Variants in RAB6A observed in about 807,000 individuals in gnomAD.
The protein encoded by RAB6A is RAB6A, member RAS oncogene family.
Under a neutral mutation model 32.3 loss-of-function variants are expected in RAB6A, and 8 were observed. The observed-to-expected ratio is 0.25, with a 90% CI of 0.15 to 0.45. RAB6A has a LOEUF of 0.45. Among genes scored for constraint, RAB6A ranks in the 20% least tolerant of loss-of-function variants. RAB6A has a pLI of 1.00. For missense variants in RAB6A, 104 were observed against 249.4 expected, an observed-to-expected ratio of 0.42 and a Z score of 3.93; for synonymous variants, 73 against 82.1, an observed-to-expected ratio of 0.89 and a Z score of 0.60.
intron 1 of RAB6A, among the ~76,000 whole-genome samples, chr11:73,742,039 T>C (rs1438238234): frequency 6.6e-6 from 1 of 152,120 alleles, no homozygotes; most frequent in Admixed American, 6.6e-5. Context: ...TCCAGCACGT[T>C]GGGAGGCTGA....
chr11:73,682,570 G>GGA (rs1565343844), intron 6 of RAB6A, among the ~76,000 whole-genome samples: 1 of 152,176 alleles, frequency 6.6e-6, no homozygotes, highest in East Asian at 1.9e-4. Context: ...AGCTGAGGCA[G>GGA]GAGAACTGCT....
At chr11:73,739,284 AATATATATAT>A (rs1555066941) in intron 1 of RAB6A, among the ~76,000 whole-genome samples, 1 of 6,754 alleles carries the variant, frequency 1.5e-4, no homozygotes, top group Non-Finnish European at 3.4e-4. Context: ...AAAAAAAAAA[AATATATATAT>A]ATATATATAT....
At chr11:73,743,426 A>G (rs1946532381) in intron 1 of RAB6A, among the ~76,000 whole-genome samples, 2 of 152,080 alleles carry the variant, frequency 1.3e-5, no homozygotes, top group Non-Finnish European at 2.9e-5. Flanking sequence ...TCCGTAAGAT[A>G]ATGTTAAACT....
At chr11:73,682,987 T>C (rs1347897594) in intron 6 of RAB6A, among the ~76,000 whole-genome samples, 1 of 152,146 alleles carries the variant, frequency 6.6e-6, no homozygotes, top group African/African-American at 2.4e-5. Flanking sequence ...ATAAACCACC[T>C]TTCATCAAGA....
At position 73,720,902 on chromosome 11, in the gene RAB6A, G is replaced by A. The variant is rs1418577400; in HGVS notation, c.130-3C>T. ...AAAAAGTCAATGCCAATTGTTGCCT[G>A]TAAAACAAAACAAAGAAGTTAACAA... is the stretch of plus-strand genomic sequence containing the variant. On this transcript the variant is annotated splice_polypyrimidine_tract_variant and splice_region_variant and intron_variant, in intron 2 of 7. Coordinates refer to ENST00000336083, the MANE Select transcript of RAB6A (RefSeq NM_198896.2). 2 of 1,603,506 alleles carry A rather than the reference G, an allele frequency of 1.2e-6. No homozygotes were observed. The highest frequency in any genetic ancestry group is 1.7e-6 in the Non-Finnish European group (2 of 1,172,134).
intron 5 of RAB6A, among the ~76,000 whole-genome samples, chr11:73,710,276 T>C (rs1430503889): frequency 6.6e-6 from 1 of 151,442 alleles, no homozygotes; most frequent in Non-Finnish European, 1.5e-5. Context: ...CCCATGCTTA[T>C]ATTTTTTATA....
chr11:73,716,422 G>A, intron 4 of RAB6A, 60 bp from the exon 5 acceptor site: 1 of 1,255,672 alleles, frequency 8.0e-7, no homozygotes, highest in South Asian at 1.3e-5. Context: ...CCCAGGTGGT[G>A]GGCACCTCCC....
chr11:73,705,803 A>AGAGAGAGAGAGT (rs1945832018), intron 6 of RAB6A, among the ~76,000 whole-genome samples: 1 of 145,288 alleles, frequency 6.9e-6, no homozygotes, highest in Non-Finnish European at 1.5e-5. Context: ...AGAGAGAGAG[A>AGAGAGAGAGAGT]TTTTCAATAT....
At chr11:73,723,897 T>G (rs1946178327) in intron 2 of RAB6A, among the ~76,000 whole-genome samples, 2 of 152,320 alleles carry the variant, frequency 1.3e-5, no homozygotes, top group South Asian at 4.1e-4. Flanking sequence ...CTCTCACCAC[T>G]CCTACCCACA....
At chr11:73,728,789 ATAT>A (rs903955216) in intron 2 of RAB6A, among the ~76,000 whole-genome samples, 19 of 152,024 alleles carry the variant, frequency 1.2e-4, no homozygotes, top group African/African-American at 4.1e-4. Context: ...TCTGGGTTGA[ATAT>A]TAGAGTAACT....
intron 6 of RAB6A, among the ~76,000 whole-genome samples, chr11:73,704,611 G>A (rs1489222803): frequency 6.2e-4 from 93 of 150,160 alleles, no homozygotes; most frequent in Admixed American, 6.1e-3. Context: ...CTTCAACCCA[G>A]GAGGCAGAGG....
chr11:73,758,819 T>G (rs911307943), intron 1 of RAB6A, among the ~76,000 whole-genome samples: 8 of 152,164 alleles, frequency 5.3e-5, no homozygotes, highest in Non-Finnish European at 8.8e-5. Context: ...ATAAACTATA[T>G]TTTATGTTTG....
intron 2 of RAB6A, among the ~76,000 whole-genome samples, chr11:73,724,784 C>T (rs1299428685): frequency 1.3e-5 from 2 of 152,118 alleles, no homozygotes; most frequent in African/African-American, 4.8e-5. Flanking sequence ...CTGCGCCTGG[C>T]CTCCTAAATG....
chr11:73,699,473 C>T (rs556527082), intron 6 of RAB6A, among the ~76,000 whole-genome samples: 25 of 152,032 alleles, frequency 1.6e-4, no homozygotes, highest in African/African-American at 4.8e-4. Context: ...TCTGTAGAGA[C>T]AAGTTTTCCC....
chr11:73,731,833 C>G (rs1441666777), intron 1 of RAB6A, among the ~76,000 whole-genome samples: 1 of 148,466 alleles, frequency 6.7e-6, no homozygotes. Flanking sequence ...CCTCCGCCTC[C>G]CGGGTTCAAC....
intron 6 of RAB6A, among the ~76,000 whole-genome samples, chr11:73,686,839 A>C (rs992605539): frequency 6.6e-6 from 1 of 152,168 alleles, no homozygotes. Flanking sequence ...CATCTATTTT[A>C]ACATTCCTTA....
rs1946306457 is a variant in RAB6A, at chr11:73,731,686, ATATATATATATATATATATATATATATAT to A, written c.71-892_71-864del. Among the ~76,000 whole-genome samples the A allele has an allele frequency of 2.5e-3, 68 of 27,594 alleles. 5 individuals are homozygous for A. The highest frequency in any genetic ancestry group is 5.2e-3 in the African/African-American group (46 of 8,796). 18.1% of individuals were successfully genotyped at this position (27,594 alleles called of 152,430 possible). A position where few individuals can be genotyped will look rare whatever the true frequency, so the allele number is the denominator to read the frequency against. ...ATTGTGAGATAGATAGATAGATATTATATATATATATATATATATATATATATATATATATATATATATATACACACACA... is the reference window on the plus strand; with the variant it reads ...ATTGTGAGATAGATAGATAGATATTAATATATATATATATATACACACACA... On this transcript the variant is annotated intron_variant, in intron 1 of 7. Transcript: ENST00000336083.
At chr11:73,749,636 A>T (rs10898942) in intron 1 of RAB6A, among the ~76,000 whole-genome samples, 4 of 152,064 alleles carry the variant, frequency 2.6e-5, no homozygotes, top group Non-Finnish European at 4.4e-5. Context: ...TCGAGGCCAG[A>T]GCATTGCTCA....
At chr11:73,715,907 A>G (rs909669274) in intron 5 of RAB6A, among the ~76,000 whole-genome samples, 1 of 152,192 alleles carries the variant, frequency 6.6e-6, no homozygotes, top group African/African-American at 2.4e-5. Flanking sequence ...ATTATGAACA[A>G]TTTTTAAAGA....
Sources: gnomAD v4.1 joint callset for allele counts (sites outside exome capture counted in the v4.1 genomes callset) on GRCh38, gnomAD v4.1.1 for gene constraint, MANE v1.5 for transcripts, NCBI Gene and HGNC (gene_info 2026-07-23, HGNC 2026-07-21) for gene names.